NCOA3: variants seen among roughly 807,000 people sequenced by gnomAD.
NCOA3 encodes the protein nuclear receptor coactivator 3.
NCOA3 carries 51 observed loss-of-function variants against 158.8 expected under a neutral mutation model. That is an observed-to-expected ratio of 0.32 (90% CI 0.26 to 0.41). The LOEUF is 0.41. NCOA3 is among the 10% of genes least tolerant of loss of function. The pLI is 1.00. For synonymous variants in NCOA3, 537 were observed against 592.4 expected (o/e 0.91, Z 1.36); for missense variants, 1,510 against 1,746.6 (o/e 0.86, Z 2.41).
At chr20:47,520,016 C>T (rs533372295) in intron 1 of NCOA3, among the ~76,000 whole-genome samples, 33 of 144,390 alleles carry the variant, frequency 2.3e-4, no homozygotes, top group Non-Finnish European at 3.6e-4. Context: ...CCGGCTTCAG[C>T]CTCCCAATGT....
intron 1 of NCOA3, among the ~76,000 whole-genome samples, chr20:47,540,453 A>G (rs944567298): frequency 6.6e-6 from 1 of 151,860 alleles, no homozygotes; most frequent in Non-Finnish European, 1.5e-5. Context: ...GGTGCCTGTA[A>G]TCCGGCTACT....
Position 47,627,051 on chromosome 20 carries a change from T to G in NCOA3, c.407T>G (p.Phe136Cys). 6.2e-7 allele frequency: 1 copy of G among 1,613,670 alleles called. No homozygotes were observed. The highest frequency in any genetic ancestry group is 8.5e-7 in the Non-Finnish European group (1 of 1,179,716). ...FVVNRDGNIV[F>C]VSENVTQYLQ... ...GTGAATCGAGACGGAAACATTGTAT[T>G]TGTATCAGAAAATGTCACACAATAC... The change falls in exon 6 of 23, where the codon TTT becomes TGT. Residue 136 changes from phenylalanine to cysteine, a missense_variant. Physicochemically the swap from Phe to Cys is radical, Grantham distance 205. Coordinates refer to ENST00000371998, the MANE Select transcript of NCOA3 (RefSeq NM_181659.3).
In NCOA3 at chr20:47,627,649, T is replaced by C; in HGVS notation, c.621T>C (p.Ile207=). ...CRMLMKTPHD[I]LEDINASPEM... is the part of the protein sequence containing the mutation. ...TGTTGATGAAAACACCACATGATATTCTGGAAGACATAAACGCCAGTCCTG... is the reference window on the plus strand; with the variant it reads ...TGTTGATGAAAACACCACATGATATCCTGGAAGACATAAACGCCAGTCCTG... The change falls in exon 7 of 23, where the codon ATT becomes ATC. Residue 207 remains isoleucine, a synonymous_variant. Coordinates refer to ENST00000371998, the MANE Select transcript of NCOA3 (RefSeq NM_181659.3). The C allele has an allele frequency of 1.2e-6, 2 of 1,614,102 alleles. No homozygotes were observed. The highest frequency in any genetic ancestry group is 1.7e-6 in the Non-Finnish European group (2 of 1,179,982).
intron 1 of NCOA3, among the ~76,000 whole-genome samples, chr20:47,561,702 C>T (rs1310618980): frequency 1.3e-5 from 2 of 152,026 alleles, no homozygotes; most frequent in Non-Finnish European, 2.9e-5. Flanking sequence ...GCATGTCTTC[C>T]TCCATTATCA....
chr20:47,589,063 A>ATT (rs937138091), intron 2 of NCOA3, among the ~76,000 whole-genome samples: 1 of 149,646 alleles, frequency 6.7e-6, no homozygotes, highest in Non-Finnish European at 1.5e-5. Context: ...TAATTTTTGT[A>ATT]TTTTTTTTTA....
chr20:47,550,077 A>T (rs1219065329), intron 1 of NCOA3, among the ~76,000 whole-genome samples: 2 of 151,586 alleles, frequency 1.3e-5, no homozygotes, highest in African/African-American at 4.8e-5. Flanking sequence ...TTTTACAATT[A>T]TTCTTCTAAC....
At chr20:47,632,381 GT>G (rs34786220) in intron 8 of NCOA3, among the ~76,000 whole-genome samples, 14,887 of 135,094 alleles carry the variant, frequency 0.11, 799 homozygotes, top group Non-Finnish European at 0.13. Flanking sequence ...TGTTCAAGAG[GT>G]TTTTTTTTTT....
At chr20:47,613,988 A>G (rs571786916) in intron 2 of NCOA3, among the ~76,000 whole-genome samples, 3 of 152,070 alleles carry the variant, frequency 2.0e-5, no homozygotes, top group Non-Finnish European at 4.4e-5. Context: ...CCTTACCAGC[A>G]TTGAAAGAAA....
chr20:47,613,306 G>A (rs2086072341), intron 2 of NCOA3, among the ~76,000 whole-genome samples: 1 of 149,182 alleles, frequency 6.7e-6, no homozygotes, highest in Non-Finnish European at 1.5e-5. Flanking sequence ...TCCTAGCTTT[G>A]CTATTCATTG....
chr20:47,555,077 T>C (rs1018848602), intron 1 of NCOA3, among the ~76,000 whole-genome samples: 3 of 152,182 alleles, frequency 2.0e-5, no homozygotes, highest in African/African-American at 7.2e-5. Context: ...ATCTGATCTT[T>C]GACAAAGCTG....
At chr20:47,593,129 C>T (rs146149216) in intron 2 of NCOA3, among the ~76,000 whole-genome samples, 1,662 of 152,010 alleles carry the variant, frequency 0.011, 33 homozygotes, top group African/African-American at 0.038. Flanking sequence ...GATGGAGTTT[C>T]ACCATGTTGG....
At chr20:47,535,049 C>T (rs1317489557) in intron 1 of NCOA3, among the ~76,000 whole-genome samples, 1 of 146,114 alleles carries the variant, frequency 6.8e-6, no homozygotes, top group East Asian at 2.0e-4. Flanking sequence ...AAATAATTAG[C>T]GTTATTATTA....
At chr20:47,597,614 G>A (rs1319315712) in intron 2 of NCOA3, among the ~76,000 whole-genome samples, 1 of 151,134 alleles carries the variant, frequency 6.6e-6, no homozygotes, top group Non-Finnish European at 1.5e-5. Context: ...TCAGCCTCCC[G>A]AGTAGCTGGG....
intron 1 of NCOA3, among the ~76,000 whole-genome samples, chr20:47,553,106 G>A (rs377245618): frequency 2.0e-5 from 3 of 151,876 alleles, no homozygotes; most frequent in South Asian, 2.1e-4. Flanking sequence ...GCTAATTTTC[G>A]TATTTTTATG....
intron 4 of NCOA3, 56 bp from the exon 5 acceptor site, chr20:47,625,325 G>A (rs1472186268): frequency 1.6e-5 from 19 of 1,214,400 alleles, no homozygotes; most frequent in Non-Finnish European, 1.9e-5. Context: ...ATTCGAAGGT[G>A]ATTTAATCTA....
At chr20:47,530,873 C>T (rs2084533652) in intron 1 of NCOA3, among the ~76,000 whole-genome samples, 1 of 152,104 alleles carries the variant, frequency 6.6e-6, no homozygotes, top group South Asian at 2.1e-4. Context: ...TAAAGGCAAA[C>T]AAGGTGTTAT....
chr20:47,589,758 A>C (rs1387895927), intron 2 of NCOA3, among the ~76,000 whole-genome samples: 1 of 151,944 alleles, frequency 6.6e-6, no homozygotes, highest in East Asian at 1.9e-4. Flanking sequence ...ACCAGATTTC[A>C]CTTGGAATAC....
At chr20:47,647,390 T>G in intron 18 of NCOA3, 24 bp downstream of exon 18, 2 of 1,602,724 alleles carry the variant, frequency 1.2e-6, no homozygotes, top group Non-Finnish European at 1.7e-6. Flanking sequence ...TGTTCTTCCC[T>G]CTGGCTTCTC....
chr20:47,606,331 T>C (rs113110094), intron 2 of NCOA3, among the ~76,000 whole-genome samples: 1 of 152,244 alleles, frequency 6.6e-6, no homozygotes, highest in Non-Finnish European at 1.5e-5. Context: ...TAATGTGTTA[T>C]TTGCTATTTT....
Sources: allele counts gnomAD v4.1 joint callset (sites outside exome capture counted in the v4.1 genomes callset), GRCh38; gene constraint gnomAD v4.1.1; transcripts MANE v1.5; gene names NCBI Gene and HGNC (gene_info 2026-07-23, HGNC 2026-07-21).